Variants in INSR observed in about 807,000 individuals in gnomAD.
INSR encodes insulin receptor, also known as IR.
Under a neutral mutation model 142.6 loss-of-function variants are expected in INSR, and 67 were observed. The observed-to-expected ratio is 0.47, with a 90% CI of 0.39 to 0.58. INSR has a LOEUF of 0.58. Ranked by LOEUF, INSR falls within the 20% of genes least tolerant of loss-of-function variation. The pLI is 0.00. For synonymous variants in INSR, 756 were observed against 743.1 expected, an observed-to-expected ratio of 1.02 and a Z score of -0.28; for missense variants, 1,248 against 1,833.2, an observed-to-expected ratio of 0.68 and a Z score of 5.83.
chr19:7,129,114 AG>A (rs1972716907), intron 14 of INSR, among the ~76,000 whole-genome samples, 160 bp from the exon 15 acceptor site: 1 of 152,126 alleles, frequency 6.6e-6, no homozygotes, highest in African/African-American at 2.4e-5. Flanking sequence ...ATTTTCCAGC[AG>A]TCCCGAAACA....
chr19:7,131,451 C>G (rs1972779551), intron 14 of INSR, among the ~76,000 whole-genome samples: 1 of 151,740 alleles, frequency 6.6e-6, no homozygotes, highest in African/African-American at 2.4e-5. Flanking sequence ...GTTCCTGAGG[C>G]TCCTGCCTCA....
At chr19:7,264,041 T>C (rs1176769761) in intron 2 of INSR, among the ~76,000 whole-genome samples, 1 of 152,054 alleles carries the variant, frequency 6.6e-6, no homozygotes, top group Non-Finnish European at 1.5e-5. Context: ...TGGTGGCGCA[T>C]GCCTGTAATC....
At chr19:7,291,099 T>C (rs1429067254) in intron 1 of INSR, among the ~76,000 whole-genome samples, 1 of 151,502 alleles carries the variant, frequency 6.6e-6, no homozygotes, top group Non-Finnish European at 1.5e-5. Context: ...TGGTTGACAT[T>C]AGAGATTAAT....
At chr19:7,142,668 G>T in intron 12 of INSR, 148 bp downstream of exon 12, 1 of 951,494 alleles carries the variant, frequency 1.1e-6, no homozygotes, top group Non-Finnish European at 1.6e-6. Context: ...ACTCCAGCCT[G>T]GGCGACAGAG....
intron 17 of INSR, among the ~76,000 whole-genome samples, chr19:7,124,602 T>A (rs1475398929): frequency 3.5e-4 from 11 of 31,378 alleles, no homozygotes; most frequent in East Asian, 8.7e-4. Context: ...TATATATATA[T>A]ATATATATAT....
intron 1 of INSR, among the ~76,000 whole-genome samples, chr19:7,291,123 C>A (rs1324878478): frequency 6.6e-6 from 1 of 151,934 alleles, no homozygotes; most frequent in Non-Finnish European, 1.5e-5. Flanking sequence ...CTGAAAAGTT[C>A]TTTGCCCCTC....
chr19:7,169,193 C>T (rs1022101503), intron 6 of INSR, among the ~76,000 whole-genome samples: 11 of 152,176 alleles, frequency 7.2e-5, no homozygotes, highest in South Asian at 2.1e-4. Flanking sequence ...CTCAGGGATG[C>T]ATCACCATCT....
intron 19 of INSR, among the ~76,000 whole-genome samples, chr19:7,122,075 G>A (rs1972504653): frequency 6.6e-6 from 1 of 151,848 alleles, no homozygotes; most frequent in African/African-American, 2.4e-5. Flanking sequence ...CCCAAGAGGT[G>A]GAGGTTCAGT....
At position 7,218,758 on chromosome 19, in the gene INSR, G is replaced by T. The variant is rs527689337; in HGVS notation, c.653-34121C>A. The stretch of plus-strand genomic sequence containing the variant: ...GGGGTTTCGCCATGTTGGCCAGGCT[G>T]GTCTCCAACTCCTGACCCCAGGTGA... On this transcript the variant is annotated intron_variant, in intron 2 of 21. Transcript: ENST00000302850. Among the ~76,000 whole-genome samples, 6 of 152,250 alleles carry T rather than the reference G, an allele frequency of 3.9e-5. No homozygotes were observed. In the East Asian group the frequency reaches 1.2e-3, roughly 29 times the overall value.
chr19:7,155,908 T>C (rs1973577765), intron 9 of INSR, among the ~76,000 whole-genome samples: 1 of 150,532 alleles, frequency 6.6e-6, no homozygotes. Context: ...AGTGAAATCA[T>C]GTTGAAGAAG....
At chr19:7,268,124 C>A (rs1967796947) in intron 1 of INSR, among the ~76,000 whole-genome samples, 1 of 152,020 alleles carries the variant, frequency 6.6e-6, no homozygotes, top group Admixed American at 6.6e-5. Context: ...TTTTGGCAAG[C>A]CCTGTTAAAA....
At chr19:7,254,221 A>T (rs4482400) in intron 2 of INSR, among the ~76,000 whole-genome samples, 61,238 of 151,528 alleles carry the variant, frequency 0.4, 13,849 homozygotes, top group African/African-American at 0.6. Context: ...AGAAAAATTT[A>T]AAAAATAAAT....
chr19:7,284,266 T>C (rs541223312), intron 1 of INSR, among the ~76,000 whole-genome samples: 2 of 152,222 alleles, frequency 1.3e-5, no homozygotes, highest in East Asian at 3.9e-4. Context: ...GGTTTCACCA[T>C]GTTGCCCAGG....
intron 8 of INSR, 41 bp from the exon 9 acceptor site, chr19:7,163,240 T>C (rs529912537): frequency 6.3e-7 from 1 of 1,580,198 alleles, no homozygotes. Context: ...TGAGAAACAG[T>C]GTGCAAAGAA....
intron 2 of INSR, among the ~76,000 whole-genome samples, chr19:7,194,843 G>GT (rs1418329512): frequency 6.6e-6 from 1 of 151,972 alleles, no homozygotes; most frequent in African/African-American, 2.4e-5. Context: ...TCAACAAATT[G>GT]TTAGCATTTC....
chr19:7,286,216 C>G (rs567373146), intron 1 of INSR, among the ~76,000 whole-genome samples: 6 of 152,042 alleles, frequency 3.9e-5, no homozygotes, highest in African/African-American at 1.4e-4. Flanking sequence ...CTCCTGGGCT[C>G]AAGAGATCCA....
intron 3 of INSR, 28 bp downstream of exon 3, chr19:7,184,288 G>GC (rs769787720): frequency 3.1e-6 from 5 of 1,600,456 alleles, no homozygotes; most frequent in South Asian, 2.2e-5. Flanking sequence ...CCTCTCGGCT[G>GC]CCCCCCAGAC....
chr19:7,122,800 T>C, intron 18 of INSR, 27 bp from the exon 19 acceptor site: 2 of 1,614,080 alleles, frequency 1.2e-6, no homozygotes, highest in Non-Finnish European at 1.7e-6. Flanking sequence ...GGGTTGGTGT[T>C]TCAGCAGCAC....
At chr19:7,256,102 T>A (rs1976882444) in intron 2 of INSR, among the ~76,000 whole-genome samples, 1 of 151,974 alleles carries the variant, frequency 6.6e-6, no homozygotes, top group South Asian at 2.1e-4. Flanking sequence ...AAAATTTCAA[T>A]CAAATTTTTA....
Sources: gnomAD v4.1 joint callset for allele counts (sites outside exome capture counted in the v4.1 genomes callset) on GRCh38, gnomAD v4.1.1 for gene constraint, MANE v1.5 for transcripts, NCBI Gene and HGNC (gene_info 2026-07-23, HGNC 2026-07-21) for gene names.